The following KCNMB2 variants were observed in gnomAD, a reference collection of about 807,000 sequenced individuals.
The protein encoded by KCNMB2 is calcium-activated potassium channel subunit beta-2.
KCNMB2 carries 9 observed loss-of-function variants against 24.5 expected under a neutral mutation model. The observed-to-expected ratio is 0.37, with a 90% CI of 0.22 to 0.64. The LOEUF is 0.64. Among genes scored for constraint, KCNMB2 ranks in the 30% least tolerant of loss-of-function variants. The pLI is 0.63. For missense variants in KCNMB2, 226 were observed against 284.3 expected, an observed-to-expected ratio of 0.79 and a Z score of 1.47; for synonymous variants, 109 against 104.4, an observed-to-expected ratio of 1.04 and a Z score of -0.27.
intron 1 of KCNMB2, among the ~76,000 whole-genome samples, chr3:178,652,594 A>G (rs572110712): frequency 1.3e-5 from 2 of 151,960 alleles, no homozygotes; most frequent in Non-Finnish European, 2.9e-5. Context: ...TAATATTGTA[A>G]GGTAATTTCC....
intron 1 of KCNMB2, among the ~76,000 whole-genome samples, chr3:178,652,988 T>A (rs1472942004): frequency 6.6e-6 from 1 of 152,150 alleles, no homozygotes; most frequent in African/African-American, 2.4e-5. Flanking sequence ...TAAGTCAACT[T>A]ATTAAGATTA....
chr3:178,702,992 G>A (rs892250268), intron 1 of KCNMB2, among the ~76,000 whole-genome samples: 2 of 152,136 alleles, frequency 1.3e-5, no homozygotes, highest in Admixed American at 1.3e-4. Flanking sequence ...GGAGACAAGA[G>A]GAGAAGGATG....
chr3:178,716,441 ATTTTTTTTTT>A lies in KCNMB2; in HGVS notation c.-67-90891_-67-90882del, dbSNP rs35949431. Among the ~76,000 whole-genome samples, 12 of 128,690 alleles carry A rather than the reference ATTTTTTTTTT, an allele frequency of 9.3e-5. No individual in the cohort carries two copies. The South Asian group carries it at 3.0e-3, about 32-fold the overall frequency. 84.4% of individuals were successfully genotyped at this position (128,690 alleles called of 152,430 possible). A position where few individuals can be genotyped will look rare whatever the true frequency, so the allele number is the denominator to read the frequency against. The stretch of plus-strand genomic sequence containing the variant: ...AGGTGGAGCCAGAACTAAAACCTGC[ATTTTTTTTTT>A]TTTTTTTTTTGAGATGGAATCTTGC... On this transcript the variant is annotated intron_variant, in intron 1 of 4. Transcript: ENST00000452583.
chr3:178,617,911 A>C (rs1423909180), intron 1 of KCNMB2, among the ~76,000 whole-genome samples: 1 of 140,596 alleles, frequency 7.1e-6, no homozygotes, highest in African/African-American at 2.7e-5. Context: ...AAAAAAAAAA[A>C]CCCAACACTC....
At chr3:178,831,634 A>C (rs1715061252) in intron 4 of KCNMB2, among the ~76,000 whole-genome samples, 1 of 152,204 alleles carries the variant, frequency 6.6e-6, no homozygotes, top group Admixed American at 6.5e-5. Context: ...CATGCTAAGT[A>C]AACTAACACA....
At chr3:178,671,146 A>G (rs1226964491) in intron 1 of KCNMB2, among the ~76,000 whole-genome samples, 3 of 145,926 alleles carry the variant, frequency 2.1e-5, no homozygotes, top group African/African-American at 7.5e-5. Flanking sequence ...GCCTCAAGGA[A>G]ATAGAGAATT....
intron 1 of KCNMB2, among the ~76,000 whole-genome samples, chr3:178,568,671 A>G (rs557130791): frequency 3.3e-5 from 5 of 150,566 alleles, no homozygotes; most frequent in Admixed American, 2.6e-4. Context: ...TGCTTAGAAG[A>G]CACTCAAGGA....
At chr3:178,796,589 A>G (rs1713552440) in intron 1 of KCNMB2, among the ~76,000 whole-genome samples, 1 of 152,226 alleles carries the variant, frequency 6.6e-6, no homozygotes, top group Admixed American at 6.5e-5. Context: ...CTAGAAATCA[A>G]TAACAAGAGG....
chr3:178,675,256 A>G (rs569343644), intron 1 of KCNMB2, among the ~76,000 whole-genome samples: 1 of 152,256 alleles, frequency 6.6e-6, no homozygotes, highest in African/African-American at 2.4e-5. Context: ...ATTTGTGAAA[A>G]GCCTGGTGTA....
intron 1 of KCNMB2, among the ~76,000 whole-genome samples, chr3:178,696,616 T>C (rs541559064): frequency 3.6e-4 from 55 of 152,330 alleles, no homozygotes; most frequent in African/African-American, 1.3e-3. Flanking sequence ...AGTTCTGATT[T>C]TTGTTATTTC....
At chr3:178,718,118 C>G (rs988669380) in intron 1 of KCNMB2, among the ~76,000 whole-genome samples, 4 of 152,210 alleles carry the variant, frequency 2.6e-5, no homozygotes, top group Non-Finnish European at 5.9e-5. Context: ...GTCCTTCTAT[C>G]AGCAGGCTCT....
intron 1 of KCNMB2, among the ~76,000 whole-genome samples, chr3:178,726,571 GT>G (rs137863656): frequency 1.3e-5 from 2 of 150,976 alleles, no homozygotes; most frequent in African/African-American, 4.9e-5. Flanking sequence ...TGGTTGACAG[GT>G]TTTTTTTCAA....
chr3:178,561,431 G>A (rs1560109319), intron 1 of KCNMB2, among the ~76,000 whole-genome samples: 2 of 152,124 alleles, frequency 1.3e-5, no homozygotes, highest in African/African-American at 2.4e-5. Flanking sequence ...ACTAGACTAG[G>A]GTTAGGACAG....
At chr3:178,591,886 T>C (rs927049580) in intron 1 of KCNMB2, among the ~76,000 whole-genome samples, 4 of 152,170 alleles carry the variant, frequency 2.6e-5, no homozygotes, top group Admixed American at 6.5e-5. Flanking sequence ...CCTGGCTTCA[T>C]TGAGAGCAGC....
intron 1 of KCNMB2, among the ~76,000 whole-genome samples, chr3:178,539,976 C>T (rs538322595): frequency 3.3e-5 from 5 of 152,258 alleles, no homozygotes; most frequent in African/African-American, 1.2e-4. Context: ...AAATTCTAAT[C>T]CCTAACCTTG....
intron 4 of KCNMB2, among the ~76,000 whole-genome samples, chr3:178,838,287 T>C (rs1330908818): frequency 6.6e-6 from 1 of 152,182 alleles, no homozygotes; most frequent in Non-Finnish European, 1.5e-5. Context: ...CCAGTTTTCA[T>C]ACTAAATTAT....
intron 1 of KCNMB2, among the ~76,000 whole-genome samples, chr3:178,733,512 G>T (rs1293511254): frequency 1.3e-5 from 2 of 151,924 alleles, no homozygotes; most frequent in African/African-American, 4.8e-5. Flanking sequence ...ACAGAGTCTC[G>T]CTCCGTCGCC....
rs116110332 is a variant in KCNMB2, at chr3:178,630,367, T to G, written c.-68+93656T>G. On this transcript the variant is annotated intron_variant, in intron 1 of 4. Coordinates refer to ENST00000452583, the MANE Select transcript of KCNMB2 (RefSeq NM_181361.3). ...GAAATAAAATAAGTGTTCCAGCATC[T>G]CCTCCCAACGGGACTGCCACCAGTA... Among the ~76,000 whole-genome samples, 1,461 of 152,334 alleles carry G rather than the reference T, an allele frequency of 9.6e-3. 26 individuals are homozygous for G. Among genetic ancestry groups the G allele is most frequent in the African/African-American group, 0.034 (1,397 of 41,588 alleles).
intron 1 of KCNMB2, among the ~76,000 whole-genome samples, chr3:178,648,917 G>A (rs1398925570): frequency 6.6e-6 from 1 of 151,978 alleles, no homozygotes; most frequent in Non-Finnish European, 1.5e-5. Flanking sequence ...GATGTGGAGT[G>A]GTATTTCATT....
Sources: gnomAD v4.1 joint callset for allele counts (sites outside exome capture counted in the v4.1 genomes callset) on GRCh38, gnomAD v4.1.1 for gene constraint, MANE v1.5 for transcripts, NCBI Gene and HGNC (gene_info 2026-07-23, HGNC 2026-07-21) for gene names.